The following CSPP1 variants were observed in gnomAD, a reference collection of about 807,000 sequenced individuals.
CSPP1 encodes the protein centrosome and spindle pole associated protein 1.
Under a neutral mutation model 164.4 loss-of-function variants are expected in CSPP1, and 126 were observed. The observed-to-expected ratio is 0.77, with a 90% CI of 0.66 to 0.89. CSPP1 has a LOEUF of 0.89. Ranked by LOEUF, CSPP1 falls within the 40% of genes least tolerant of loss-of-function variation. The pLI is 0.00. For synonymous variants in CSPP1, 472 were observed against 476.7 expected, an observed-to-expected ratio of 0.99 and a Z score of 0.13; for missense variants, 1,395 against 1,449.8, an observed-to-expected ratio of 0.96 and a Z score of 0.61.
rs1420279776 is a variant in CSPP1, at chr8:67,189,860, G to A, written c.3221-790G>A. On this transcript the variant is annotated intron_variant, in intron 28 of 30. Transcript: ENST00000678616. ...TTTAGGTATAATTTTTTTCAAAGGA[G>A]TTGCGGAGGTTACCGTAGATGTTGT... Among the ~76,000 whole-genome samples, 5 of 152,202 alleles carry A rather than the reference G, an allele frequency of 3.3e-5. No individual in the cohort carries two copies. In the South Asian group the frequency reaches 6.2e-4, roughly 19 times the overall value.
intron 4 of CSPP1, chr8:67,086,331 T>C: frequency 1.7e-6 from 1 of 575,336 alleles, no homozygotes; most frequent in Non-Finnish European, 3.2e-6. Context: ...ACCTTTTGAC[T>C]AAGGCAGTGG....
rs374703898 is a variant in CSPP1, at chr8:67,111,983, C to T, written c.1105C>T (p.Arg369Ter). 8 of 1,604,882 alleles carry T rather than the reference C, an allele frequency of 5.0e-6. No individual in the cohort carries two copies. In the East Asian group the frequency reaches 9.0e-5, roughly 18 times the overall value. Residue 369 changes from arginine (R) to a stop codon, truncating the protein, a stop_gained, in exon 10 of 31, where the codon CGA (arginine) becomes TGA (stop). Coordinates refer to ENST00000678616, the MANE Select transcript of CSPP1 (RefSeq NM_001382391.1). LOFTEE classifies it high-confidence loss of function. The part of the protein sequence containing the change: ...FAGMLFGGED[R>*]ELIQRRKEKY... The stretch of plus-strand genomic sequence containing the variant: ...ATACCACTATCTAGGAGGTGAAGAT[C>T]GAGAACTTATTCAGAGAAGGAAAGA...
chr8:67,103,650 A>T (rs1184147610), intron 8 of CSPP1, among the ~76,000 whole-genome samples: 1 of 151,442 alleles, frequency 6.6e-6, no homozygotes, highest in Non-Finnish European at 1.5e-5. Flanking sequence ...AAATACAAAA[A>T]AAAAAAAGAA....
chr8:67,184,767 T>TAATAATAATAATAATAATAAA (rs1834010039), intron 28 of CSPP1, among the ~76,000 whole-genome samples: 1 of 145,984 alleles, frequency 6.9e-6, no homozygotes, highest in African/African-American at 2.5e-5. Context: ...ATAATAATAA[T>TAATAATAATAATAATAATAAA]AAAGGTTGGG....
intron 3 of CSPP1, among the ~76,000 whole-genome samples, chr8:67,082,856 T>TA (rs1446043775): frequency 1.3e-5 from 2 of 152,280 alleles, no homozygotes; most frequent in African/African-American, 4.8e-5. Context: ...CAAATGACCC[T>TA]AAAATGACAC....
intron 3 of CSPP1, chr8:67,083,568 T>G (rs1474866636): frequency 1.4e-5 from 2 of 143,346 alleles, no homozygotes; most frequent in Non-Finnish European, 3.0e-5. Flanking sequence ...TATATATATA[T>G]ATATATGTAT....
At chr8:67,089,890 G>T (rs1811275105) in intron 4 of CSPP1, among the ~76,000 whole-genome samples, 1 of 150,732 alleles carries the variant, frequency 6.6e-6, no homozygotes, top group African/African-American at 2.4e-5. Flanking sequence ...TTGGGCTCAA[G>T]TGTCCCTCCT....
At chr8:67,145,659 G>T (rs1824388733) in intron 17 of CSPP1, among the ~76,000 whole-genome samples, 1 of 151,624 alleles carries the variant, frequency 6.6e-6, no homozygotes, top group African/African-American at 2.4e-5. Context: ...AAGTATCTGG[G>T]ACTGACTACA....
At chr8:67,112,473 A>G (rs1817060067) in intron 10 of CSPP1, among the ~76,000 whole-genome samples, 2 of 152,202 alleles carry the variant, frequency 1.3e-5, no homozygotes, top group Admixed American at 1.3e-4. Context: ...TAAATTTAAC[A>G]TTTCCATCCC....
At chr8:67,192,149 T>C (rs1836505426) in intron 29 of CSPP1, among the ~76,000 whole-genome samples, 1 of 150,690 alleles carries the variant, frequency 6.6e-6, no homozygotes, top group South Asian at 2.1e-4. Flanking sequence ...CTCAGTGCAC[T>C]GCACCCTCTG....
intron 17 of CSPP1, among the ~76,000 whole-genome samples, chr8:67,141,607 T>C (rs1823512612): frequency 6.6e-6 from 1 of 152,188 alleles, no homozygotes; most frequent in South Asian, 2.1e-4. Flanking sequence ...CTGCAACCTC[T>C]GCCTCCCGGG....
chr8:67,195,411 G>A lies in CSPP1; in HGVS notation c.3499G>A (p.Asp1167Asn). 3.1e-6 allele frequency: 5 copies of A among 1,614,082 alleles called. No individual in the cohort carries two copies. The highest frequency in any genetic ancestry group is 4.2e-6 in the Non-Finnish European group (5 of 1,179,954). Reference protein sequence around the residue: ...DDESSLVDPDDIMKHIGDDGS... With the variant: ...DDESSLVDPDNIMKHIGDDGS... ...TGAGAGTTCACTGGTTGACCCTGAT[G>A]ACATCATGAAACACATAGGGGATGA... is the stretch of plus-strand genomic sequence containing the variant. The change falls in exon 31 of 31, where the codon GAC becomes AAC. Residue 1167 changes from aspartate to asparagine, a missense_variant. Asp to Asn is a conservative substitution (Grantham distance 23, BLOSUM62 1). Coordinates refer to ENST00000678616, the MANE Select transcript of CSPP1 (RefSeq NM_001382391.1).
intron 28 of CSPP1, among the ~76,000 whole-genome samples, chr8:67,186,276 T>G (rs529350024): frequency 7.2e-5 from 11 of 152,156 alleles, no homozygotes; most frequent in Non-Finnish European, 1.2e-4. Flanking sequence ...CCTGTTTAGT[T>G]TTTAAAGATG....
chr8:67,166,465 A>G lies in CSPP1; in HGVS notation c.2828+1957A>G, dbSNP rs1829323729. ...TAATTTGACTACTTATGGTTTGTTTAGATTTTTGTTTGTATTCTCCAGGAA... is the reference window on the plus strand; with the variant it reads ...TAATTTGACTACTTATGGTTTGTTTGGATTTTTGTTTGTATTCTCCAGGAA... On this transcript the variant is annotated intron_variant, in intron 24 of 30. Transcript: ENST00000678616. 2.0e-5 allele frequency among the ~76,000 whole-genome samples: 3 copies of G among 152,216 alleles called. No homozygotes were observed. In the South Asian group the frequency reaches 6.2e-4, roughly 31 times the overall value.
intron 7 of CSPP1, among the ~76,000 whole-genome samples, chr8:67,099,726 T>C (rs1215976600): frequency 3.3e-5 from 5 of 152,142 alleles, no homozygotes; most frequent in Non-Finnish European, 7.4e-5. Flanking sequence ...TTAAGTGAAC[T>C]AACAGAGCTA....
At chr8:67,130,867 A>T (rs1379768204) in intron 15 of CSPP1, among the ~76,000 whole-genome samples, 3 of 152,158 alleles carry the variant, frequency 2.0e-5, no homozygotes, top group Non-Finnish European at 2.9e-5. Context: ...GGGTGCTTGT[A>T]GTACCAGTTA....
intron 10 of CSPP1, 56 bp downstream of exon 10, chr8:67,112,121 A>G (rs2129549875): frequency 8.4e-7 from 1 of 1,189,150 alleles, no homozygotes; most frequent in Non-Finnish European, 1.2e-6. Context: ...GCATTTGTGT[A>G]AAATGACATG....
At position 67,196,328 on chromosome 8, in the gene CSPP1, C is replaced by G. The variant is rs1160875402; in HGVS notation, c.*735C>G. 2 of 152,108 alleles carry G rather than the reference C, an allele frequency of 1.3e-5. No individual in the cohort carries two copies. The highest frequency in any genetic ancestry group is 1.9e-4 in the East Asian group (1 of 5,176). 9.4% of individuals were successfully genotyped at this position (152,108 alleles called of 1,614,324 possible). On this transcript the variant is annotated 3_prime_UTR_variant, in exon 31 of 31. Transcript: ENST00000678616. ...AGAGGTTGAATAGAGGTGGGGACAC[C>G]CGGGAGTCAAGGACAGAGAGACTGG... is the stretch of plus-strand genomic sequence containing the variant.
intron 28 of CSPP1, among the ~76,000 whole-genome samples, 167 bp from the exon 29 acceptor site, chr8:67,190,483 A>C (rs747381737): frequency 3.9e-5 from 6 of 152,188 alleles, no homozygotes; most frequent in Admixed American, 6.5e-5. Context: ...ATGATTGTAC[A>C]ACTCTGTAAA....
Sources: allele counts gnomAD v4.1 joint callset (sites outside exome capture counted in the v4.1 genomes callset), GRCh38; gene constraint gnomAD v4.1.1; transcripts MANE v1.5; gene names NCBI Gene and HGNC (gene_info 2026-07-23, HGNC 2026-07-21).